CUL5: variants seen among roughly 807,000 people sequenced by gnomAD.
CUL5 encodes cullin 5.
In CUL5, 26 loss-of-function variants were observed where a neutral mutation model predicts 108.8. That is an observed-to-expected ratio of 0.24 (90% CI 0.18 to 0.33). The LOEUF is 0.33. Among genes scored for constraint, CUL5 ranks in the 10% least tolerant of loss-of-function variants. The pLI, the probability that CUL5 is intolerant of heterozygous loss-of-function variation, is 1.00. For synonymous variants in CUL5, 334 were observed against 298.0 expected (o/e 1.12, Z -1.25); for missense variants, 524 against 909.2 (o/e 0.58, Z 5.45).
At chr11:108,062,383 A>G (rs1258299892) in intron 7 of CUL5, among the ~76,000 whole-genome samples, 4 of 152,070 alleles carry the variant, frequency 2.6e-5, no homozygotes, top group Non-Finnish European at 5.9e-5. Flanking sequence ...AGTCCCATCA[A>G]CAGTGTGCTT....
chr11:108,065,548 C>T (rs756842395), intron 7 of CUL5, among the ~76,000 whole-genome samples: 64 of 152,154 alleles, frequency 4.2e-4, no homozygotes, highest in Admixed American at 1.4e-3. Flanking sequence ...CAGCTGAGTT[C>T]ATCCTACTTT....
chr11:108,023,128 A>G (rs1208203512), intron 1 of CUL5, among the ~76,000 whole-genome samples: 5 of 152,164 alleles, frequency 3.3e-5, no homozygotes, highest in Non-Finnish European at 2.9e-5. Flanking sequence ...CTGTAATCCC[A>G]GCTACCTGGG....
At chr11:108,041,130 T>C (rs1252847576) in intron 2 of CUL5, among the ~76,000 whole-genome samples, 2 of 152,198 alleles carry the variant, frequency 1.3e-5, no homozygotes, top group Non-Finnish European at 2.9e-5. Context: ...TTCTTAGAAC[T>C]GTGCTGATTC....
chr11:108,063,655 T>TAA lies in CUL5; in HGVS notation c.781-6441_781-6440insAA, dbSNP rs1456239644. Among the ~76,000 whole-genome samples, 6 of 6,308 alleles carry TAA rather than the reference T, an allele frequency of 9.5e-4. No homozygotes were observed. In the South Asian group the frequency reaches 0.16, roughly 166 times the overall value. The allele number at this position is 6,308 out of a possible 152,430, so 4.1% of individuals were successfully genotyped here. On this transcript the variant is annotated intron_variant, in intron 7 of 18. Coordinates refer to ENST00000393094, the MANE Select transcript of CUL5 (RefSeq NM_003478.6). ...TAATAAATAATAAAATTAATAAAAT[T>TAA]TAAAAAAAATAAATAAATAGTGCTG...
chr11:108,055,023 A>T, intron 7 of CUL5, 68 bp downstream of exon 7: 1 of 1,064,112 alleles, frequency 9.4e-7, no homozygotes, highest in South Asian at 1.5e-5. Flanking sequence ...AATGGCAAAT[A>T]AACAACATAA....
chr11:108,050,753 A>G (rs1863196461), intron 4 of CUL5, among the ~76,000 whole-genome samples: 1 of 152,166 alleles, frequency 6.6e-6, no homozygotes, highest in South Asian at 2.1e-4. Flanking sequence ...CTTTATGTTT[A>G]ATTGTGGCTA....
At chr11:108,017,534 G>T (rs946706122) in intron 1 of CUL5, among the ~76,000 whole-genome samples, 1 of 152,084 alleles carries the variant, frequency 6.6e-6, no homozygotes, top group Non-Finnish European at 1.5e-5. Context: ...GGTAATTAGG[G>T]CGGTAGCGAA....
At chr11:108,037,876 A>G (rs1322432566) in intron 2 of CUL5, among the ~76,000 whole-genome samples, 1 of 152,258 alleles carries the variant, frequency 6.6e-6, no homozygotes, top group East Asian at 1.9e-4. Context: ...GCCAAAGGCC[A>G]GTCTTGCACA....
chr11:108,026,604 T>C (rs1862457208), intron 1 of CUL5, among the ~76,000 whole-genome samples: 1 of 152,144 alleles, frequency 6.6e-6, no homozygotes, highest in Non-Finnish European at 1.5e-5. Flanking sequence ...CAATTTAAAT[T>C]CACTAGCAGT....
intron 1 of CUL5, among the ~76,000 whole-genome samples, chr11:108,017,541 C>A (rs11600706): frequency 6.6e-6 from 1 of 151,814 alleles, no homozygotes; most frequent in Non-Finnish European, 1.5e-5. Context: ...AGGGCGGTAG[C>A]GAAAACAACG....
chr11:108,009,371 A>T lies in CUL5; in HGVS notation c.23A>T (p.Lys8Met). Residue 8 changes from lysine to methionine, a missense_variant and splice_region_variant, in exon 1 of 19, where the codon AAG becomes ATG. By Grantham distance (95) the Lys-to-Met change is moderately conservative (BLOSUM62 -1). Around this residue, in one of 8 missense-constraint regions of CUL5, gnomAD observed 76 missense variants for 90.8 expected, o/e 0.84. Coordinates refer to ENST00000393094, the MANE Select transcript of CUL5 (RefSeq NM_003478.6). MATSNLL[K>M]NKGSLQFEDK... ...AACATGGCGACGTCTAATCTGTTAA[A>T]GGTAAGACCCTCACTCCAGCTTGGG... is the stretch of plus-strand genomic sequence containing the variant. The T allele has an allele frequency of 6.2e-7, 1 of 1,613,534 alleles. No homozygotes were observed. The highest frequency in any genetic ancestry group is 8.5e-7 in the Non-Finnish European group (1 of 1,179,742).
intron 1 of CUL5, among the ~76,000 whole-genome samples, chr11:108,017,559 A>G (rs1482087414): frequency 2.6e-5 from 4 of 152,132 alleles, no homozygotes; most frequent in Non-Finnish European, 2.9e-5. Context: ...ACGTGATAAG[A>G]ATGTTCAAGG....
intron 9 of CUL5, among the ~76,000 whole-genome samples, chr11:108,072,799 A>G (rs538477739): frequency 2.0e-5 from 3 of 152,324 alleles, no homozygotes; most frequent in Non-Finnish European, 4.4e-5. Flanking sequence ...GAAATATAAC[A>G]TTGTACCCCA....
intron 1 of CUL5, among the ~76,000 whole-genome samples, chr11:108,011,260 C>T (rs1328011446): frequency 6.6e-6 from 1 of 152,048 alleles, no homozygotes; most frequent in Non-Finnish European, 1.5e-5. Context: ...CTACTTTGGT[C>T]TATATTAGTT....
In CUL5 at chr11:108,033,855, T is replaced by C; in HGVS notation, c.78T>C (p.Val26=). The change falls in exon 2 of 19, where the codon GTT becomes GTC. Residue 26 remains valine (V), a synonymous_variant. Coordinates refer to ENST00000393094, the MANE Select transcript of CUL5 (RefSeq NM_003478.6). ...EDKWDFMRPI[V]LKLLRQESVT... is the part of the protein sequence containing the mutation. ...AATGGGATTTTATGCGCCCGATTGTTTTGAAGCTTTTACGCCAGGAATCTG... is the reference window on the plus strand; with the variant it reads ...AATGGGATTTTATGCGCCCGATTGTCTTGAAGCTTTTACGCCAGGAATCTG... 1.2e-6 allele frequency: 2 copies of C among 1,613,846 alleles called. No homozygotes were observed. Among genetic ancestry groups the C allele is most frequent in the African/African-American group, 1.3e-5 (1 of 75,050 alleles).
intron 1 of CUL5, among the ~76,000 whole-genome samples, chr11:108,020,303 G>A (rs753023995): frequency 6.6e-6 from 1 of 152,178 alleles, no homozygotes; most frequent in Non-Finnish European, 1.5e-5. Context: ...TACCATAGGA[G>A]ATGACAGCCC....
At chr11:108,102,215 G>A (rs1417231252) in intron 18 of CUL5, among the ~76,000 whole-genome samples, 42 of 152,072 alleles carry the variant, frequency 2.8e-4, no homozygotes, top group Admixed American at 2.7e-3. Flanking sequence ...ATTTTTAGTA[G>A]AGATGGGTTT....
At chr11:108,102,185 C>CTATTTTTTG (rs1317345410) in intron 18 of CUL5, among the ~76,000 whole-genome samples, 2 of 152,186 alleles carry the variant, frequency 1.3e-5, no homozygotes, top group South Asian at 4.2e-4. Flanking sequence ...CCACACTGAG[C>CTATTTTTTG]TATTTTTTGT....
At chr11:108,081,660 G>C (rs959042022) in intron 11 of CUL5, among the ~76,000 whole-genome samples, 29 of 152,162 alleles carry the variant, frequency 1.9e-4, no homozygotes, top group African/African-American at 7.0e-4. Context: ...GCTGAGGCAG[G>C]AGAATGGTGT....
Sources: allele counts gnomAD v4.1 joint callset (sites outside exome capture counted in the v4.1 genomes callset), GRCh38; gene constraint gnomAD v4.1.1; regional missense constraint gnomAD v4.1.1; transcripts MANE v1.5; gene names NCBI Gene and HGNC (gene_info 2026-07-23, HGNC 2026-07-21).